The following MCC variants were observed in gnomAD, a reference collection of about 807,000 sequenced individuals.
MCC encodes the protein colorectal mutant cancer protein.
MCC carries 90 observed loss-of-function variants against 116.2 expected under a neutral mutation model. The observed-to-expected ratio is 0.77, with a 90% CI of 0.65 to 0.92. The LOEUF is 0.92. Among genes scored for constraint, MCC ranks in the 40% least tolerant of loss-of-function variants. The probability of loss-of-function intolerance (pLI) is 0.00; values close to 1 mark genes in which losing one functional copy is unlikely to be tolerated. For missense variants in MCC, 1,516 were observed against 1,312.2 expected (o/e 1.16, Z -2.40); for synonymous variants, 578 against 510.5 (o/e 1.13, Z -1.78).
chr5:113,329,386 A>ACG (rs1767641124), intron 3 of MCC, among the ~76,000 whole-genome samples: 1 of 34,706 alleles, frequency 2.9e-5, no homozygotes, highest in South Asian at 4.6e-4. Context: ...ATATATATAC[A>ACG]CACACACACA....
chr5:113,074,138 C>A (rs1038307236), intron 11 of MCC, among the ~76,000 whole-genome samples: 7 of 152,296 alleles, frequency 4.6e-5, no homozygotes, highest in South Asian at 2.1e-4. Context: ...CCAGTAGGGG[C>A]CGACTGACAC....
chr5:113,068,121 A>G lies in MCC; in HGVS notation c.1988T>C (p.Ile663Thr), dbSNP rs1012934060. ...GCCCGCCGCTCGGAACTGCCCCAGG[A>G]TGAGGCTCTGCTCACTCTCTGCCAG... is the stretch of plus-strand genomic sequence containing the variant. ...LALAESEQSL[I>T]LGQFRAAGVG... Residue 663 changes from isoleucine to threonine, a missense_variant, in exon 13 of 19, where the codon ATC (isoleucine) becomes ACC (threonine). Ile to Thr is a moderately conservative substitution (Grantham distance 89). Transcript: ENST00000408903. The G allele has an allele frequency of 1.9e-6, 3 of 1,614,076 alleles. No homozygotes were observed. In the African/African-American group the frequency reaches 4.0e-5, roughly 22 times the overall value.
At chr5:113,122,569 C>T (rs1218766007) in intron 6 of MCC, 115 bp downstream of exon 6, 3 of 1,228,720 alleles carry the variant, frequency 2.4e-6, no homozygotes, top group Non-Finnish European at 3.4e-6. Context: ...ACTTCATCCA[C>T]TCAGCAAACC....
chr5:113,114,894 T>C (rs1757307138), intron 6 of MCC, among the ~76,000 whole-genome samples: 1 of 152,164 alleles, frequency 6.6e-6, no homozygotes, highest in African/African-American at 2.4e-5. Flanking sequence ...TTTTCCTGGA[T>C]GCCAAACAAG....
chr5:113,148,956 C>G (rs1347057844), intron 4 of MCC, among the ~76,000 whole-genome samples: 1 of 152,096 alleles, frequency 6.6e-6, no homozygotes, highest in Admixed American at 6.5e-5. Context: ...TGAATCAATC[C>G]TTGACTTAGA....
At chr5:113,398,898 T>A (rs1241076225) in intron 1 of MCC, among the ~76,000 whole-genome samples, 2 of 152,216 alleles carry the variant, frequency 1.3e-5, no homozygotes, top group Non-Finnish European at 2.9e-5. Flanking sequence ...ACCCTGGGAA[T>A]TAGTATTTGT....
intron 3 of MCC, among the ~76,000 whole-genome samples, chr5:113,227,258 A>T (rs1015977359): frequency 1.3e-5 from 2 of 152,212 alleles, no homozygotes; most frequent in Non-Finnish European, 2.9e-5. Flanking sequence ...AGCAACTTCT[A>T]TCAATGGTAT....
intron 3 of MCC, among the ~76,000 whole-genome samples, chr5:113,155,816 A>G (rs975429409): frequency 1.3e-5 from 2 of 152,196 alleles, no homozygotes; most frequent in African/African-American, 2.4e-5. Context: ...CATACTCAGG[A>G]GTCAGATGCT....
chr5:113,069,116 A>G (rs1178893773), intron 12 of MCC, among the ~76,000 whole-genome samples: 2 of 152,252 alleles, frequency 1.3e-5, no homozygotes, highest in Non-Finnish European at 2.9e-5. Flanking sequence ...GCCATACTTC[A>G]TATGTTCAAT....
chr5:113,412,806 A>G (rs149991792), intron 1 of MCC, among the ~76,000 whole-genome samples: 21,327 of 152,162 alleles, frequency 0.14, 1,801 homozygotes, highest in Non-Finnish European at 0.2. Context: ...TTCAAACACT[A>G]TGTTGAATAG....
At chr5:113,353,582 G>A (rs930694286) in intron 2 of MCC, among the ~76,000 whole-genome samples, 1 of 152,060 alleles carries the variant, frequency 6.6e-6, no homozygotes, top group Non-Finnish European at 1.5e-5. Flanking sequence ...ACAGATATAC[G>A]TAAACATTTA....
intron 3 of MCC, among the ~76,000 whole-genome samples, chr5:113,228,735 C>A (rs1446239153): frequency 6.6e-6 from 1 of 152,114 alleles, no homozygotes; most frequent in Non-Finnish European, 1.5e-5. Flanking sequence ...GTGGTGAGAA[C>A]AGACTGTAGA....
At chr5:113,270,183 A>T (rs538374508) in intron 3 of MCC, among the ~76,000 whole-genome samples, 1 of 152,336 alleles carries the variant, frequency 6.6e-6, no homozygotes, top group East Asian at 1.9e-4. Context: ...TTCGAGACAA[A>T]GATTCCTTCT....
At chr5:113,104,138 A>G in intron 7 of MCC, 54 bp downstream of exon 7, 2 of 1,508,514 alleles carry the variant, frequency 1.3e-6, no homozygotes, top group Non-Finnish European at 9.0e-7. Flanking sequence ...GAAGGATTGG[A>G]CCATTTCCCT....
At chr5:113,216,618 AACTATATTTAAAGGCTCCTGACAAAATG>A (rs1763327542) in intron 3 of MCC, among the ~76,000 whole-genome samples, 1 of 152,246 alleles carries the variant, frequency 6.6e-6, no homozygotes, top group Non-Finnish European at 1.5e-5. Flanking sequence ...TTTTTAAAAT[AACTATATTTAAAGGCTCCTGACAAAATG>A]ACTATATTTA....
intron 1 of MCC, among the ~76,000 whole-genome samples, chr5:113,429,126 T>C (rs551431081): frequency 6.6e-6 from 1 of 152,304 alleles, no homozygotes; most frequent in South Asian, 2.1e-4. Context: ...TGAATTGTGT[T>C]CCCCTTCCCA....
chr5:113,145,704 T>C (rs1759454096), intron 4 of MCC, among the ~76,000 whole-genome samples: 1 of 149,962 alleles, frequency 6.7e-6, no homozygotes, highest in Non-Finnish European at 1.5e-5. Context: ...GCCTATGGAG[T>C]GGCCATTCTT....
chr5:113,184,920 A>G (rs1761821327), intron 3 of MCC, among the ~76,000 whole-genome samples: 1 of 152,200 alleles, frequency 6.6e-6, no homozygotes, highest in Non-Finnish European at 1.5e-5. Flanking sequence ...GGGAGAAGTA[A>G]AGAAAATGTT....
At chr5:113,442,612 T>C (rs576182055) in intron 1 of MCC, among the ~76,000 whole-genome samples, 2 of 152,364 alleles carry the variant, frequency 1.3e-5, no homozygotes, top group Admixed American at 6.5e-5. Context: ...GGTTTTCTTC[T>C]AGGATTTTTA....
Sources: gnomAD v4.1 joint callset for allele counts (sites outside exome capture counted in the v4.1 genomes callset) on GRCh38, gnomAD v4.1.1 for gene constraint, MANE v1.5 for transcripts, NCBI Gene and HGNC (gene_info 2026-07-23, HGNC 2026-07-21) for gene names.